The following CPNE4 variants were observed in gnomAD, a reference collection of about 807,000 sequenced individuals.
CPNE4 encodes the protein copine 4.
A neutral mutation model predicts 67.9 loss-of-function variants in CPNE4; 25 were observed. That is an observed-to-expected ratio of 0.37 (90% confidence interval 0.27 to 0.51). CPNE4 has a LOEUF of 0.51. Ranked by LOEUF, CPNE4 falls within the 20% of genes least tolerant of loss-of-function variation. CPNE4 has a pLI of 0.93. For missense variants in CPNE4, 464 were observed against 690.8 expected (o/e 0.67, Z 3.68); for synonymous variants, 242 against 244.9 (o/e 0.99, Z 0.11).
intron 14 of CPNE4, chr3:131,543,065 A>G: frequency 2.6e-6 from 1 of 384,700 alleles, no homozygotes; most frequent in East Asian, 4.8e-5. Flanking sequence ...TTAGGAGGAC[A>G]GGCTTCAAAG....
intron 2 of CPNE4, among the ~76,000 whole-genome samples, chr3:131,820,705 T>C (rs965845723): frequency 6.6e-6 from 1 of 152,240 alleles, no homozygotes; most frequent in Non-Finnish European, 1.5e-5. Context: ...ACTTTCAGTA[T>C]TTTGTTAAGT....
At chr3:131,569,887 T>C (rs1937245988) in intron 10 of CPNE4, among the ~76,000 whole-genome samples, 1 of 151,802 alleles carries the variant, frequency 6.6e-6, no homozygotes, top group South Asian at 2.1e-4. Flanking sequence ...AAAAGAAATG[T>C]CCGTTTAAAA....
At chr3:131,754,263 A>G (rs1008362139) in intron 2 of CPNE4, among the ~76,000 whole-genome samples, 1 of 152,166 alleles carries the variant, frequency 6.6e-6, no homozygotes, top group Non-Finnish European at 1.5e-5. Context: ...ATAAGATTAC[A>G]TGGGCAAAGA....
chr3:131,840,621 T>C (rs2085738184), intron 2 of CPNE4, among the ~76,000 whole-genome samples: 1 of 152,206 alleles, frequency 6.6e-6, no homozygotes, highest in Non-Finnish European at 1.5e-5. Flanking sequence ...TTGGCAGCCC[T>C]TTGAGGAGTC....
chr3:131,708,799 A>G (rs2081479083), intron 3 of CPNE4, among the ~76,000 whole-genome samples: 1 of 151,750 alleles, frequency 6.6e-6, no homozygotes, highest in African/African-American at 2.4e-5. Flanking sequence ...AGGATGCAGG[A>G]AAAAAGGCAC....
chr3:131,561,995 T>C (rs1309373234), intron 11 of CPNE4, among the ~76,000 whole-genome samples: 2 of 152,054 alleles, frequency 1.3e-5, no homozygotes, highest in African/African-American at 4.8e-5. Flanking sequence ...GCTTTCTTTA[T>C]ATGGAAAAAA....
chr3:131,679,940 G>A (rs533863691), intron 6 of CPNE4, among the ~76,000 whole-genome samples: 2 of 152,250 alleles, frequency 1.3e-5, no homozygotes, highest in South Asian at 4.1e-4. Flanking sequence ...TATCTATCAG[G>A]TCCATTTGAT....
chr3:131,760,177 T>C (rs1241231950), intron 2 of CPNE4, among the ~76,000 whole-genome samples: 1 of 152,204 alleles, frequency 6.6e-6, no homozygotes, highest in Non-Finnish European at 1.5e-5. Context: ...ACAAATTTAT[T>C]GAAGTGAAAT....
chr3:131,679,295 G>T (rs954095992), intron 6 of CPNE4, among the ~76,000 whole-genome samples: 1 of 151,724 alleles, frequency 6.6e-6, no homozygotes, highest in Non-Finnish European at 1.5e-5. Flanking sequence ...TATTATCTCT[G>T]ATTGTGTTTA....
intron 9 of CPNE4, among the ~76,000 whole-genome samples, chr3:131,576,942 A>G (rs1345057820): frequency 6.6e-6 from 1 of 152,168 alleles, no homozygotes; most frequent in East Asian, 1.9e-4. Context: ...GTTTGAACTA[A>G]AAAATGATTG....
Position 132,034,897 on chromosome 3 carries a change from AGAGG to A in CPNE4, c.-336_-333del. ...GAGTAAAGAGGAGGGTACTGAGAAA[AGAGG>A]GAGGGAGTGGAGTGGAGCGAGGGAG... On this transcript the variant is annotated 5_prime_UTR_variant, in exon 1 of 16. Transcript: ENST00000429747. 1 of 985,314 alleles carries A rather than the reference AGAGG, an allele frequency of 1.0e-6. No homozygotes were observed. The highest frequency in any genetic ancestry group is 1.2e-6 in the Non-Finnish European group (1 of 829,934). 61.0% of individuals were successfully genotyped at this position (985,314 alleles called of 1,614,324 possible). A position where few individuals can be genotyped will look rare whatever the true frequency, so the allele number is the denominator to read the frequency against.
chr3:131,862,067 AT>A (rs200289975), intron 2 of CPNE4, among the ~76,000 whole-genome samples: 32 of 151,794 alleles, frequency 2.1e-4, no homozygotes, highest in South Asian at 4.2e-4. Context: ...TTTCTTTGCA[AT>A]TTTTTTTTAT....
intron 2 of CPNE4, among the ~76,000 whole-genome samples, chr3:131,843,978 G>C (rs144724778): frequency 1.3e-5 from 2 of 152,278 alleles, no homozygotes; most frequent in African/African-American, 4.8e-5. Context: ...CCCTTGGATA[G>C]AGCTGCTAGA....
chr3:131,929,095 G>T (rs1298689485), intron 1 of CPNE4, among the ~76,000 whole-genome samples: 1 of 149,754 alleles, frequency 6.7e-6, no homozygotes, highest in African/African-American at 2.5e-5. Flanking sequence ...TTCTGGGCTG[G>T]TTAAGATTTC....
rs145889936 is a variant in CPNE4, at chr3:131,999,865, G to C, written c.-2+34702C>G. On this transcript the variant is annotated intron_variant, in intron 1 of 15. Transcript: ENST00000429747. ...AAGTACTGGGCAAATAATTCACACA[G>C]GTAAATGCATTTTACTGCATGTTTT... 6.6e-5 allele frequency among the ~76,000 whole-genome samples: 10 copies of C among 151,986 alleles called. No individual in the cohort carries two copies. The East Asian group carries it at 1.9e-3, about 29-fold the overall frequency.
intron 7 of CPNE4, among the ~76,000 whole-genome samples, chr3:131,665,009 G>A (rs1425407960): frequency 1.3e-5 from 2 of 152,068 alleles, no homozygotes; most frequent in Non-Finnish European, 2.9e-5. Flanking sequence ...AGGTAATTAA[G>A]GCTCAGTAGA....
At chr3:131,662,874 T>A (rs1030173141) in intron 7 of CPNE4, among the ~76,000 whole-genome samples, 4 of 152,138 alleles carry the variant, frequency 2.6e-5, no homozygotes. Context: ...GGAGTGTAAA[T>A]TAGTTCAACC....
chr3:131,977,401 G>T (rs1181348600), intron 1 of CPNE4, among the ~76,000 whole-genome samples: 1 of 152,058 alleles, frequency 6.6e-6, no homozygotes, highest in Non-Finnish European at 1.5e-5. Context: ...TCCTTTCAGG[G>T]TTGTGAAAAG....
chr3:132,006,456 T>C (rs1560775015), intron 1 of CPNE4, among the ~76,000 whole-genome samples: 2 of 152,158 alleles, frequency 1.3e-5, no homozygotes, highest in Non-Finnish European at 2.9e-5. Flanking sequence ...GTTTACAACT[T>C]AGGCTCTCTC....
Sources: allele counts gnomAD v4.1 joint callset (sites outside exome capture counted in the v4.1 genomes callset), GRCh38; gene constraint gnomAD v4.1.1; transcripts MANE v1.5; gene names NCBI Gene and HGNC (gene_info 2026-07-23, HGNC 2026-07-21).